The following LDLRAD4 variants were observed in gnomAD, a reference collection of about 807,000 sequenced individuals.
The protein encoded by LDLRAD4 is low-density lipoprotein receptor class A domain-containing protein 4.
A neutral mutation model predicts 17.0 loss-of-function variants in LDLRAD4; 5 were observed. The observed-to-expected ratio is 0.29, with a 90% CI of 0.15 to 0.62. LDLRAD4 has a LOEUF of 0.62. Ranked by LOEUF, LDLRAD4 falls within the 20% of genes least tolerant of loss-of-function variation. LDLRAD4 has a pLI of 0.84. For synonymous variants in LDLRAD4, 168 were observed against 171.8 expected, an observed-to-expected ratio of 0.98 and a Z score of 0.17; for missense variants, 340 against 424.7, an observed-to-expected ratio of 0.80 and a Z score of 1.75.
At chr18:13,536,617 T>C (rs184881945) in intron 3 of LDLRAD4, among the ~76,000 whole-genome samples, 1 of 152,126 alleles carries the variant, frequency 6.6e-6, no homozygotes, top group South Asian at 2.1e-4. Flanking sequence ...GTCTTTTTTT[T>C]TTTACTTTAC....
At chr18:13,537,428 C>T (rs1461064344) in intron 3 of LDLRAD4, among the ~76,000 whole-genome samples, 1 of 152,152 alleles carries the variant, frequency 6.6e-6, no homozygotes, top group Non-Finnish European at 1.5e-5. Flanking sequence ...CGTCATCAGG[C>T]ATTAGTTAGA....
intron 1 of LDLRAD4, among the ~76,000 whole-genome samples, chr18:13,345,092 G>T (rs540841931): frequency 2.0e-5 from 3 of 152,170 alleles, no homozygotes; most frequent in African/African-American, 7.2e-5. Context: ...CTGCCTGATT[G>T]CCCTGGCCAG....
intron 3 of LDLRAD4, among the ~76,000 whole-genome samples, chr18:13,527,919 C>T (rs1398017472): frequency 2.0e-5 from 3 of 152,180 alleles, no homozygotes; most frequent in Admixed American, 6.5e-5. Context: ...ATTCTCAAAG[C>T]TTGCCTCCTG....
intron 3 of LDLRAD4, among the ~76,000 whole-genome samples, chr18:13,513,704 G>T (rs2093818460): frequency 6.6e-6 from 1 of 152,118 alleles, no homozygotes. Flanking sequence ...ACCTATGTTG[G>T]GCTTTGATTT....
chr18:13,534,472 A>G (rs1243320314), intron 3 of LDLRAD4, among the ~76,000 whole-genome samples: 2 of 152,188 alleles, frequency 1.3e-5, no homozygotes, highest in Non-Finnish European at 2.9e-5. Flanking sequence ...TTGAAGGAAC[A>G]TACCTTGCAA....
chr18:13,598,247 T>TGAA (rs1326192016), intron 3 of LDLRAD4, among the ~76,000 whole-genome samples: 2 of 152,244 alleles, frequency 1.3e-5, no homozygotes, highest in African/African-American at 4.8e-5. Context: ...CCTTGCAATG[T>TGAA]GAAGCCTCTG....
At chr18:13,370,608 A>G (rs2084389856) in intron 1 of LDLRAD4, among the ~76,000 whole-genome samples, 1 of 152,056 alleles carries the variant, frequency 6.6e-6, no homozygotes, top group South Asian at 2.1e-4. Context: ...GAAGTGGCCC[A>G]GAGAAACCGC....
chr18:13,225,164 T>G (rs2041714587), intron 1 of LDLRAD4, among the ~76,000 whole-genome samples: 1 of 152,210 alleles, frequency 6.6e-6, no homozygotes. Flanking sequence ...CCATGAGGTA[T>G]AGGTAAATGA....
chr18:13,537,100 G>A (rs1403031838), intron 3 of LDLRAD4, among the ~76,000 whole-genome samples: 3 of 152,098 alleles, frequency 2.0e-5, no homozygotes, highest in African/African-American at 7.2e-5. Flanking sequence ...CTTATGATAT[G>A]TTTATCTGGT....
chr18:13,495,239 G>A (rs186815054), intron 3 of LDLRAD4, among the ~76,000 whole-genome samples: 6 of 152,286 alleles, frequency 3.9e-5, no homozygotes, highest in African/African-American at 1.2e-4. Flanking sequence ...TCATGGCCTC[G>A]CTCCCTGCGT....
chr18:13,507,222 G>C (rs1304598269), intron 3 of LDLRAD4, among the ~76,000 whole-genome samples: 1 of 152,054 alleles, frequency 6.6e-6, no homozygotes, highest in Non-Finnish European at 1.5e-5. Context: ...TGGTTACATG[G>C]ATAAGTTCTT....
Position 13,471,747 on chromosome 18 carries a change from GC to G in LDLRAD4, c.181+33367del, listed in dbSNP as rs1446156935. ...GCAGCTCACAGTGGTACCTGGGATG[GC>G]CCCGTGGCTTCTGCCAAGCCAAATT... On this transcript the variant is annotated intron_variant, in intron 3 of 5. Coordinates refer to ENST00000359446, the Ensembl canonical transcript of LDLRAD4. The G allele has an allele frequency of 2.0e-5, 3 of 152,408 alleles. No homozygotes were observed. The East Asian group carries it at 5.8e-4, about 29-fold the overall frequency. The allele number at this position is 152,408 out of a possible 1,614,324, so 9.4% of individuals were successfully genotyped here.
At chr18:13,412,741 C>G (rs1211080278) in intron 2 of LDLRAD4, among the ~76,000 whole-genome samples, 1 of 152,128 alleles carries the variant, frequency 6.6e-6, no homozygotes, top group Non-Finnish European at 1.5e-5. Context: ...TTTTGTCTTC[C>G]TTGTTTTTGA....
intron 3 of LDLRAD4, among the ~76,000 whole-genome samples, chr18:13,536,969 A>G (rs559265026): frequency 1.3e-5 from 2 of 152,328 alleles, no homozygotes; most frequent in African/African-American, 4.8e-5. Context: ...GTTTGGGATA[A>G]ATCCCATTTG....
rs576104428 is a variant in LDLRAD4, at chr18:13,389,648, G to A, written c.40+1886G>A. On this transcript the variant is annotated intron_variant, in intron 2 of 5. Transcript: ENST00000359446. ...ACCTGACGGCAGGGTGGAGGCCACAGGGTGGCCCACAGAGGCCAGGGTTCT... is the reference window on the plus strand; with the variant it reads ...ACCTGACGGCAGGGTGGAGGCCACAAGGTGGCCCACAGAGGCCAGGGTTCT... 1.1e-3 allele frequency among the ~76,000 whole-genome samples: 160 copies of A among 152,292 alleles called. 2 individuals are homozygous for A. The highest frequency in any genetic ancestry group is 1.9e-3 in the Non-Finnish European group (132 of 68,024).
chr18:13,233,730 G>A (rs1026684701), intron 1 of LDLRAD4, among the ~76,000 whole-genome samples: 6 of 152,032 alleles, frequency 3.9e-5, no homozygotes, highest in African/African-American at 1.4e-4. Context: ...GAGTTTTGTC[G>A]CAACTGTTGA....
chr18:13,627,460 A>C (rs935290831), intron 4 of LDLRAD4, among the ~76,000 whole-genome samples: 1 of 152,034 alleles, frequency 6.6e-6, no homozygotes. Context: ...CAGCATTGCC[A>C]TCTGTGGGTT....
intron 1 of LDLRAD4, among the ~76,000 whole-genome samples, chr18:13,341,735 T>C (rs573526644): frequency 1.3e-5 from 2 of 152,316 alleles, no homozygotes; most frequent in Admixed American, 1.3e-4. Flanking sequence ...TTTCTTTTTC[T>C]TGCCTGATTG....
intron 1 of LDLRAD4, among the ~76,000 whole-genome samples, chr18:13,376,362 G>A (rs1323677910): frequency 1.3e-5 from 2 of 152,204 alleles, no homozygotes; most frequent in South Asian, 2.1e-4. Flanking sequence ...GCGGCCCACG[G>A]TCGCTTAGAT....
Sources: gnomAD v4.1 joint callset for allele counts (sites outside exome capture counted in the v4.1 genomes callset) on GRCh38, gnomAD v4.1.1 for gene constraint, MANE v1.5 for transcripts, NCBI Gene and HGNC (gene_info 2026-07-23, HGNC 2026-07-21) for gene names.